FBXL13: variants seen among roughly 807,000 people sequenced by gnomAD.
FBXL13 encodes the protein F-box and leucine-rich repeat protein 13.
A neutral mutation model predicts 83.6 loss-of-function variants in FBXL13; 67 were observed. The ratio of observed to expected loss-of-function variants is 0.80; its 90% CI spans 0.66 to 0.98. FBXL13 has a LOEUF of 0.98. Among genes scored for constraint, FBXL13 ranks in the 50% least tolerant of loss-of-function variants. The pLI is 0.00. For missense variants in FBXL13, 822 were observed against 866.5 expected, an observed-to-expected ratio of 0.95 and a Z score of 0.64; for synonymous variants, 272 against 299.5, an observed-to-expected ratio of 0.91 and a Z score of 0.95.
At chr7:102,937,490 G>C (rs1396980647) in intron 8 of FBXL13, among the ~76,000 whole-genome samples, 1 of 123,778 alleles carries the variant, frequency 8.1e-6, no homozygotes, top group Non-Finnish European at 1.6e-5. Flanking sequence ...CTGGGCGACA[G>C]AGCAAGACTC....
At chr7:102,851,354 G>A (rs1238792911) in intron 17 of FBXL13, among the ~76,000 whole-genome samples, 1 of 152,122 alleles carries the variant, frequency 6.6e-6, no homozygotes, top group Admixed American at 6.5e-5. Flanking sequence ...GGTTTGCCAT[G>A]CTCTGTGGAC....
chr7:102,999,187 G>A (rs1790134060), intron 6 of FBXL13, among the ~76,000 whole-genome samples: 1 of 151,976 alleles, frequency 6.6e-6, no homozygotes, highest in South Asian at 2.1e-4. Flanking sequence ...TGTTCATACG[G>A]TTGTCTTTGA....
intron 17 of FBXL13, among the ~76,000 whole-genome samples, chr7:102,834,271 C>T (rs1801439525): frequency 6.6e-6 from 1 of 150,414 alleles, no homozygotes; most frequent in South Asian, 2.1e-4. Context: ...TCTTAGAATA[C>T]AAAGTTAGAG....
chr7:102,978,044 C>T (rs1332036354), intron 6 of FBXL13, among the ~76,000 whole-genome samples: 2 of 152,080 alleles, frequency 1.3e-5, no homozygotes, highest in Admixed American at 6.5e-5. Context: ...ACATGTGGCA[C>T]ATGTATACAT....
intron 10 of FBXL13, among the ~76,000 whole-genome samples, chr7:102,924,878 C>CCCGG (rs1817797633): frequency 6.6e-6 from 1 of 152,010 alleles, no homozygotes; most frequent in African/African-American, 2.4e-5. Context: ...ATCCACCCGC[C>CCCGG]CCGGCCTCCC....
intron 8 of FBXL13, among the ~76,000 whole-genome samples, chr7:102,938,792 C>T (rs1472964795): frequency 1.3e-5 from 2 of 152,220 alleles, no homozygotes; most frequent in East Asian, 3.8e-4. Context: ...TTTATCAACA[C>T]AGCAAATGAG....
intron 6 of FBXL13, among the ~76,000 whole-genome samples, 172 bp downstream of exon 7, chr7:103,024,891 G>A (rs1370073082): frequency 1.9e-4 from 10 of 53,942 alleles, no homozygotes; most frequent in African/African-American, 2.4e-4. Flanking sequence ...ATGGAGTTTT[G>A]CTATTGTCGC....
chr7:103,021,407 C>T (rs1446500359), intron 6 of FBXL13, among the ~76,000 whole-genome samples: 1 of 152,158 alleles, frequency 6.6e-6, no homozygotes, highest in African/African-American at 2.4e-5. Context: ...CAATACCATT[C>T]AGGACATAGG....
intron 6 of FBXL13, chr7:102,988,897 C>A (rs1404141359): frequency 6.6e-6 from 1 of 152,178 alleles, no homozygotes; most frequent in East Asian, 1.9e-4. Context: ...TAAAGAGAAA[C>A]CCCAGACACA....
intron 2 of FBXL13, among the ~76,000 whole-genome samples, chr7:103,054,024 C>T (rs1797089723): frequency 1.3e-5 from 2 of 152,144 alleles, no homozygotes; most frequent in African/African-American, 4.8e-5. Context: ...GGCTTTGATT[C>T]CACTTTTCAA....
intron 6 of FBXL13, among the ~76,000 whole-genome samples, chr7:103,010,291 C>T (rs1303514148): frequency 6.6e-6 from 1 of 152,020 alleles, no homozygotes; most frequent in Non-Finnish European, 1.5e-5. Flanking sequence ...GGCAGAGCTT[C>T]CTGTTGTCCC....
At chr7:102,930,275 T>C (rs901812470) in intron 9 of FBXL13, among the ~76,000 whole-genome samples, 1 of 152,140 alleles carries the variant, frequency 6.6e-6, no homozygotes, top group Non-Finnish European at 1.5e-5. Context: ...TGCCTCATGA[T>C]TGGCATTCCA....
intron 10 of FBXL13, among the ~76,000 whole-genome samples, chr7:102,923,825 AAAAT>A (rs1420683746): frequency 6.6e-6 from 1 of 152,078 alleles, no homozygotes; most frequent in Admixed American, 6.6e-5. Context: ...ATGCCATCTC[AAAAT>A]AAATAAATAA....
chr7:103,002,630 G>A (rs1790522504), intron 6 of FBXL13, among the ~76,000 whole-genome samples: 2 of 152,166 alleles, frequency 1.3e-5, no homozygotes, highest in African/African-American at 2.4e-5. Context: ...TTGTTTGCCT[G>A]GGAAAGACTA....
At chr7:102,843,463 C>CA (rs905126507) in intron 17 of FBXL13, among the ~76,000 whole-genome samples, 3 of 151,650 alleles carry the variant, frequency 2.0e-5, no homozygotes, top group Non-Finnish European at 2.9e-5. Context: ...AAACAAAAAA[C>CA]AAAAAAACCT....
At chr7:103,018,349 G>A (rs181960519) in intron 6 of FBXL13, among the ~76,000 whole-genome samples, 167 of 152,154 alleles carry the variant, frequency 1.1e-3, no homozygotes, top group African/African-American at 3.6e-3. Context: ...AGGAACAACC[G>A]GTACCAGCCA....
chr7:102,957,098 C>T (rs893616736), intron 8 of FBXL13, among the ~76,000 whole-genome samples: 6 of 152,078 alleles, frequency 3.9e-5, no homozygotes, highest in Non-Finnish European at 5.9e-5. Flanking sequence ...GCAAAAAGAA[C>T]AAAGCTGGAG....
chr7:102,864,887 GCA>G (rs963914654), intron 16 of FBXL13, among the ~76,000 whole-genome samples: 72 of 152,318 alleles, frequency 4.7e-4, no homozygotes, highest in African/African-American at 1.6e-3. Context: ...GGAAATGGAG[GCA>G]CAGAGAAATT....
rs143386766 is a variant in FBXL13, at chr7:102,849,446, C to A, written c.1719+5331G>T. On this transcript the variant is annotated intron_variant, in intron 17 of 19. Transcript: ENST00000313221. The stretch of plus-strand genomic sequence containing the variant: ...TGTTCACAACTCTTGCAAAACCTAA[C>A]CAGGGTAAAAAATTTATTCATTTTT... Among the ~76,000 whole-genome samples, 910 of 152,160 alleles carry A rather than the reference C, an allele frequency of 6.0e-3. 9 individuals are homozygous for A. Among genetic ancestry groups the A allele is most frequent in the African/African-American group, 0.021 (875 of 41,482 alleles).
Sources: allele counts gnomAD v4.1 joint callset (sites outside exome capture counted in the v4.1 genomes callset), GRCh38; gene constraint gnomAD v4.1.1; transcripts MANE v1.5; gene names NCBI Gene and HGNC (gene_info 2026-07-23, HGNC 2026-07-21).